PMS1: variants seen among roughly 807,000 people sequenced by gnomAD.
PMS1 encodes the protein PMS1 homolog 1, mismatch repair system component.
PMS1 carries 79 observed loss-of-function variants against 93.1 expected under a neutral mutation model. The observed-to-expected ratio is 0.85, with a 90% CI of 0.71 to 1.02. The LOEUF is 1.02. PMS1 is among the 50% of genes least tolerant of loss of function. PMS1 has a pLI of 0.00. For missense variants in PMS1, 1,064 were observed against 1,085.3 expected (o/e 0.98, Z 0.28); for synonymous variants, 335 against 363.4 (o/e 0.92, Z 0.89).
In PMS1 at chr2:189,859,563, C is replaced by T. The variant is rs574484414; in HGVS notation, c.1857-4180C>T. On this transcript the variant is annotated intron_variant, in intron 9 of 12. Coordinates refer to ENST00000441310, the MANE Select transcript of PMS1 (RefSeq NM_000534.5). ...CTCTGAGGATGGGATCCAGGTATCA[C>T]TTTTTAAGAAAAGGGGTGACATAAC... Among the ~76,000 whole-genome samples, 10 of 152,260 alleles carry T rather than the reference C, an allele frequency of 6.6e-5. No individual in the cohort carries two copies. In the South Asian group the frequency reaches 2.1e-3, roughly 32 times the overall value.
chr2:189,858,991 C>T (rs2055666240), intron 9 of PMS1, among the ~76,000 whole-genome samples: 1 of 152,128 alleles, frequency 6.6e-6, no homozygotes, highest in Non-Finnish European at 1.5e-5. Context: ...TATTTCTTCA[C>T]ATTCCATATT....
intron 5 of PMS1, among the ~76,000 whole-genome samples, chr2:189,837,529 T>C (rs2053490465): frequency 6.6e-6 from 1 of 152,242 alleles, no homozygotes; most frequent in Non-Finnish European, 1.5e-5. Flanking sequence ...ACATTGTTCC[T>C]TAAATTATTA....
Position 189,848,124 on chromosome 2 carries a change from AG to A in PMS1, c.699+4047del, listed in dbSNP as rs575377354. Among the ~76,000 whole-genome samples the A allele has an allele frequency of 5.3e-5, 8 of 152,252 alleles. No individual in the cohort carries two copies. The East Asian group carries it at 1.5e-3, about 29-fold the overall frequency. On this transcript the variant is annotated intron_variant, in intron 6 of 12. Coordinates refer to ENST00000441310, the MANE Select transcript of PMS1 (RefSeq NM_000534.5). ...TTACGGTCGCTGACTTGGGATGGCA[AG>A]GGTACTGTCTGAATTCTGCTGGATT...
intron 4 of PMS1, among the ~76,000 whole-genome samples, 162 bp from the exon 5 acceptor site, chr2:189,817,855 G>T (rs575205240): frequency 6.6e-6 from 1 of 152,282 alleles, no homozygotes; most frequent in African/African-American, 2.4e-5. Context: ...GAAGAGTCTA[G>T]CATGGAATCA....
intron 5 of PMS1, among the ~76,000 whole-genome samples, chr2:189,836,331 T>C (rs1051511615): frequency 1.8e-4 from 28 of 152,354 alleles, no homozygotes; most frequent in African/African-American, 6.7e-4. Context: ...ACTGTCATCA[T>C]ACTGACTAGA....
At chr2:189,790,319 A>G (rs976637343) in intron 1 of PMS1, among the ~76,000 whole-genome samples, 3 of 152,194 alleles carry the variant, frequency 2.0e-5, no homozygotes, top group Non-Finnish European at 4.4e-5. Flanking sequence ...TCCCAAAGTT[A>G]TATTATCACT....
At position 189,805,671 on chromosome 2, in the gene PMS1, C is replaced by A. The variant is rs576285843; in HGVS notation, c.335C>A (p.Thr112Lys). ...CCCCAGGTTTTAATTACAACAAGAA[C>A]GGCTGCTGATAATTTTAGCACCCAG... The part of the protein sequence containing the change: ...CIAEVLITTR[T>K]AADNFSTQYV... Residue 112 changes from threonine to lysine, a missense_variant, in exon 4 of 13, where the codon ACG becomes AAG. Coordinates refer to ENST00000441310, the MANE Select transcript of PMS1 (RefSeq NM_000534.5). The A allele has an allele frequency of 1.1e-5, 17 of 1,613,424 alleles. No homozygotes were observed. The highest frequency in any genetic ancestry group is 1.2e-5 in the Non-Finnish European group (14 of 1,179,542).
intron 9 of PMS1, among the ~76,000 whole-genome samples, chr2:189,862,227 T>C (rs866387617): frequency 2.2e-4 from 33 of 152,314 alleles, no homozygotes; most frequent in African/African-American, 7.9e-4. Context: ...TCTTGAACTT[T>C]ACTGACCCTT....
At chr2:189,809,112 T>C (rs5743026) in intron 4 of PMS1, among the ~76,000 whole-genome samples, 5,041 of 152,284 alleles carry the variant, frequency 0.033, 285 homozygotes, top group African/African-American at 0.12. Context: ...ATTCCTACGG[T>C]GTGTGATTGT....
At chr2:189,863,509 C>A (rs917859046) in intron 9 of PMS1, among the ~76,000 whole-genome samples, 7 of 152,108 alleles carry the variant, frequency 4.6e-5, no homozygotes, top group Admixed American at 2.6e-4. Context: ...CAACCTCAGC[C>A]TCCTAAAATG....
intron 5 of PMS1, among the ~76,000 whole-genome samples, chr2:189,827,633 A>G (rs1309550660): frequency 6.6e-6 from 1 of 152,198 alleles, no homozygotes; most frequent in Non-Finnish European, 1.5e-5. Flanking sequence ...ATGTGTATCC[A>G]CTGTATATAC....
intron 3 of PMS1, among the ~76,000 whole-genome samples, chr2:189,798,241 T>A (rs1006103990): frequency 6.6e-6 from 1 of 152,212 alleles, no homozygotes; most frequent in Non-Finnish European, 1.5e-5. Context: ...AGCACCGTTG[T>A]TAAATTGGTG....
intron 9 of PMS1, among the ~76,000 whole-genome samples, chr2:189,862,397 G>A (rs967983237): frequency 1.8e-4 from 27 of 151,902 alleles, no homozygotes; most frequent in African/African-American, 6.3e-4. Context: ...AATCTTTTAA[G>A]ACCTTAAACA....
In PMS1 at chr2:189,867,943, G is replaced by A. The variant is rs372649057; in HGVS notation, c.2473+14G>A. 1.2e-5 allele frequency: 20 copies of A among 1,602,806 alleles called. No homozygotes were observed. The highest frequency in any genetic ancestry group is 1.6e-5 in the Non-Finnish European group (19 of 1,170,052). On this transcript the variant is annotated intron_variant, in intron 11 of 12. Transcript: ENST00000441310. ...AATTGATACCAGGTATGATAGTGTG[G>A]TTTAATATTTTCTGATGTGGAAAAA... is the stretch of plus-strand genomic sequence containing the variant.
intron 11 of PMS1, among the ~76,000 whole-genome samples, 154 bp from the exon 12 acceptor site, chr2:189,873,342 T>G (rs2057308165): frequency 6.6e-6 from 1 of 152,248 alleles, no homozygotes; most frequent in Non-Finnish European, 1.5e-5. Flanking sequence ...TATGGGAAAT[T>G]ACTATTTGTT....
At chr2:189,845,150 G>A (rs1327480231) in intron 6 of PMS1, among the ~76,000 whole-genome samples, 3 of 152,044 alleles carry the variant, frequency 2.0e-5, no homozygotes, top group Non-Finnish European at 2.9e-5. Context: ...GAGCCACCAC[G>A]CCCAGCCTCA....
chr2:189,794,166 G>A (rs2049135716), intron 2 of PMS1, among the ~76,000 whole-genome samples: 1 of 152,156 alleles, frequency 6.6e-6, no homozygotes, highest in Admixed American at 6.6e-5. Context: ...ATTCTGAAGT[G>A]CAGTGGTGCG....
intron 9 of PMS1, among the ~76,000 whole-genome samples, chr2:189,860,043 A>T (rs1242621603): frequency 6.6e-6 from 1 of 152,028 alleles, no homozygotes; most frequent in East Asian, 1.9e-4. Context: ...TCTTTTTCTG[A>T]TTGTTTGTGG....
intron 11 of PMS1, among the ~76,000 whole-genome samples, chr2:189,870,738 C>G (rs1459232771): frequency 1.3e-5 from 2 of 152,142 alleles, no homozygotes; most frequent in Non-Finnish European, 2.9e-5. Context: ...ATCACTTAGA[C>G]TGATATTTTT....
Sources: allele counts gnomAD v4.1 joint callset (sites outside exome capture counted in the v4.1 genomes callset), GRCh38; gene constraint gnomAD v4.1.1; transcripts MANE v1.5; gene names NCBI Gene and HGNC (gene_info 2026-07-23, HGNC 2026-07-21).